UBE2D1: variants seen among roughly 807,000 people sequenced by gnomAD.
UBE2D1 encodes ubiquitin-conjugating enzyme E2 D1.
UBE2D1 carries 9 observed loss-of-function variants against 24.6 expected under a neutral mutation model. The ratio of observed to expected loss-of-function variants is 0.37; its 90% CI spans 0.22 to 0.64. The LOEUF (loss-of-function observed/expected upper bound fraction) is 0.64. Among genes scored for constraint, UBE2D1 ranks in the 30% least tolerant of loss-of-function variants. The pLI is 0.64. For missense variants in UBE2D1, 87 were observed against 177.1 expected, an observed-to-expected ratio of 0.49 and a Z score of 2.89; for synonymous variants, 57 against 57.6, an observed-to-expected ratio of 0.99 and a Z score of 0.04.
In UBE2D1 at chr10:58,335,068, C is replaced by T. The variant is rs1273275410; in HGVS notation, c.-134C>T. 6.4e-6 allele frequency: 6 copies of T among 937,550 alleles called. No individual in the cohort carries two copies. The highest frequency in any genetic ancestry group is 9.6e-6 in the Non-Finnish European group (6 of 625,446). The allele number at this position is 937,550 out of a possible 1,614,324, so 58.1% of individuals were successfully genotyped here. A position where few individuals can be genotyped will look rare whatever the true frequency, so the allele number is the denominator to read the frequency against. ...GCAGGGACCGGCGCCCGGAGCGAGCCAGGGAGCGGCTAACCGGGGACCCAC... is the reference window on the plus strand; with the variant it reads ...GCAGGGACCGGCGCCCGGAGCGAGCTAGGGAGCGGCTAACCGGGGACCCAC... On this transcript the variant is annotated 5_prime_UTR_variant, in exon 1 of 7. Transcript: ENST00000373910.
At chr10:58,337,175 A>G (rs1173288199) in intron 1 of UBE2D1, among the ~76,000 whole-genome samples, 1 of 152,214 alleles carries the variant, frequency 6.6e-6, no homozygotes, top group Non-Finnish European at 1.5e-5. Context: ...ATTGATATCA[A>G]ACATGTGACA....
chr10:58,344,796 T>C (rs1176085571), intron 1 of UBE2D1, among the ~76,000 whole-genome samples: 1 of 152,064 alleles, frequency 6.6e-6, no homozygotes, highest in Non-Finnish European at 1.5e-5. Flanking sequence ...GTACTTAAGA[T>C]TGTTTTATCC....
chr10:58,358,198 C>G (rs969623203), intron 1 of UBE2D1, among the ~76,000 whole-genome samples: 1 of 152,158 alleles, frequency 6.6e-6, no homozygotes, highest in Non-Finnish European at 1.5e-5. Context: ...TTCACATACA[C>G]ATTATCTCTG....
Position 58,341,513 on chromosome 10 carries a change from A to T in UBE2D1, c.24+6288A>T, listed in dbSNP as rs1422589260. 3.3e-5 allele frequency among the ~76,000 whole-genome samples: 5 copies of T among 152,332 alleles called. No homozygotes were observed. The East Asian group carries it at 9.6e-4, about 29-fold the overall frequency. On this transcript the variant is annotated intron_variant, in intron 1 of 6. Transcript: ENST00000373910. ...TTCTTCATCGCAATAGAGGTATAAA[A>T]AAATGAGGTAACCTATGACAGTTAA...
intron 1 of UBE2D1, among the ~76,000 whole-genome samples, chr10:58,337,967 C>G (rs1839920409): frequency 6.6e-6 from 1 of 152,092 alleles, no homozygotes; most frequent in South Asian, 2.1e-4. Context: ...CTGCCTCAGC[C>G]TCCTGAGTAG....
rs148396552 is a variant in UBE2D1, at chr10:58,349,635, G to A, written c.25-11703G>A. Among the ~76,000 whole-genome samples the A allele has an allele frequency of 2.6e-3, 392 of 151,552 alleles. 2 individuals are homozygous for A. The highest frequency in any genetic ancestry group is 8.9e-3 in the African/African-American group (368 of 41,302). On this transcript the variant is annotated intron_variant, in intron 1 of 6. Coordinates refer to ENST00000373910, the MANE Select transcript of UBE2D1 (RefSeq NM_003338.5). Reference sequence around the variant, plus strand: ...TTTTTATGTTATCATTATGTTATTCGTTGTGGCAAAATACATTTTAAAAGT... The same window carrying A: ...TTTTTATGTTATCATTATGTTATTCATTGTGGCAAAATACATTTTAAAAGT...
rs1473425617 is a variant in UBE2D1 at position 58,369,901 on chromosome 10, C to T, written c.*1136C>T. 6.6e-6 allele frequency: 1 copy of T among 151,852 alleles called. No individual in the cohort carries two copies. Among genetic ancestry groups the T allele is most frequent in the Non-Finnish European group, 1.5e-5 (1 of 67,790 alleles). 9.4% of individuals were successfully genotyped at this position (151,852 alleles called of 1,614,324 possible). On this transcript the variant is annotated 3_prime_UTR_variant, in exon 7 of 7. Transcript: ENST00000373910. ...ATGAGTATAAGGCAGTATCACCCAT[C>T]CAAAAGAAAGGTCTTTATAGACCTG...
chr10:58,338,474 A>G (rs1237112240), intron 1 of UBE2D1, among the ~76,000 whole-genome samples: 1 of 152,204 alleles, frequency 6.6e-6, no homozygotes, highest in East Asian at 1.9e-4. Context: ...AACAAAGTCT[A>G]AGGAAAGATA....
intron 1 of UBE2D1, among the ~76,000 whole-genome samples, chr10:58,359,763 G>T (rs1370014892): frequency 6.6e-6 from 1 of 152,166 alleles, no homozygotes; most frequent in Non-Finnish European, 1.5e-5. Flanking sequence ...ACCTATCTCT[G>T]AGGATTGTTA....
rs531916200 is a variant in UBE2D1 at position 58,338,400 on chromosome 10, A to AT, written c.24+3180dup. 1.7e-3 allele frequency among the ~76,000 whole-genome samples: 261 copies of AT among 152,266 alleles called. 1 individual carries two copies. The highest frequency in any genetic ancestry group is 5.7e-3 in the African/African-American group (238 of 41,560). ...TCATAAATTTACACACCCATGCCCTATTTTTAAATAACAGTGAAAGATGTT... is the reference window on the plus strand; with the variant it reads ...TCATAAATTTACACACCCATGCCCTATTTTTTAAATAACAGTGAAAGATGTT... On this transcript the variant is annotated intron_variant, in intron 1 of 6. Transcript: ENST00000373910.
At position 58,367,930 on chromosome 10, in the gene UBE2D1, G is replaced by A. The variant is rs1471703132; in HGVS notation, c.312G>A (p.Leu104=). The A allele has an allele frequency of 3.7e-6, 6 of 1,603,704 alleles. No homozygotes were observed. The highest frequency in any genetic ancestry group is 5.1e-6 in the Non-Finnish European group (6 of 1,171,784). The change falls in exon 6 of 7, where the codon TTG becomes TTA. Residue 104 remains leucine (L), a synonymous_variant. Coordinates refer to ENST00000373910, the MANE Select transcript of UBE2D1 (RefSeq NM_003338.5). ...GTTCTCTTTTAAATCTAGTTTTATT[G>A]TCCATATGTTCTCTACTTTGTGATC... ...SPALTVSKVL[L]SICSLLCDPN... is the part of the protein sequence containing the mutation.
chr10:58,358,901 C>G (rs1198239496), intron 1 of UBE2D1, among the ~76,000 whole-genome samples: 1 of 150,040 alleles, frequency 6.7e-6, no homozygotes, highest in Non-Finnish European at 1.5e-5. Flanking sequence ...ATTGGAATTA[C>G]AGGCATGAAT....
intron 1 of UBE2D1, among the ~76,000 whole-genome samples, chr10:58,346,075 A>G (rs1840012772): frequency 6.6e-6 from 1 of 150,814 alleles, no homozygotes; most frequent in Non-Finnish European, 1.5e-5. Flanking sequence ...CAGTGGTACA[A>G]TCTTTGCTCA....
chr10:58,357,147 A>G (rs550419342), intron 1 of UBE2D1, among the ~76,000 whole-genome samples: 17 of 152,146 alleles, frequency 1.1e-4, no homozygotes, highest in Admixed American at 3.9e-4. Context: ...AGAGGTTCCT[A>G]TGGTCTTGAG....
At chr10:58,352,398 C>T (rs1009603951) in intron 1 of UBE2D1, among the ~76,000 whole-genome samples, 6 of 151,934 alleles carry the variant, frequency 3.9e-5, no homozygotes, top group Non-Finnish European at 7.4e-5. Flanking sequence ...CAGTGGCACA[C>T]GGTCTGTGTG....
chr10:58,367,650 G>C (rs10826174), intron 5 of UBE2D1, among the ~76,000 whole-genome samples: 68,559 of 151,810 alleles, frequency 0.45, 15,814 homozygotes, highest in African/African-American at 0.56. Context: ...ACTTTGGAGG[G>C]TCACATTTTT....
At chr10:58,335,319 A>T in intron 1 of UBE2D1, 94 bp downstream of exon 1, 1 of 1,319,510 alleles carries the variant, frequency 7.6e-7, no homozygotes, top group Non-Finnish European at 1.0e-6. Context: ...GGGGAGAGCA[A>T]GGGATGGAAG....
intron 1 of UBE2D1, among the ~76,000 whole-genome samples, chr10:58,350,856 G>A (rs1424928070): frequency 6.6e-6 from 1 of 152,132 alleles, no homozygotes; most frequent in Non-Finnish European, 1.5e-5. Context: ...AACCTAGATG[G>A]TACAGCCTAC....
chr10:58,335,007 C>T lies in UBE2D1; in HGVS notation c.-195C>T. On this transcript the variant is annotated 5_prime_UTR_variant, in exon 1 of 7. Coordinates refer to ENST00000373910, the MANE Select transcript of UBE2D1 (RefSeq NM_003338.5). The stretch of plus-strand genomic sequence containing the variant: ...AGAGTCTCGCCGGCGTCCCCGCCCG[C>T]ACACTCGCGCACACTCGCGCTCGGG... The T allele has an allele frequency of 1.8e-6, 1 of 543,946 alleles. No homozygotes were observed. The highest frequency in any genetic ancestry group is 4.9e-4 in the Middle Eastern group (1 of 2,056). The allele number at this position is 543,946 out of a possible 1,614,324, so 33.7% of individuals were successfully genotyped here.
Sources: allele counts gnomAD v4.1 joint callset (sites outside exome capture counted in the v4.1 genomes callset), GRCh38; gene constraint gnomAD v4.1.1; transcripts MANE v1.5; gene names NCBI Gene and HGNC (gene_info 2026-07-23, HGNC 2026-07-21).